The following ZNF277 variants were observed in gnomAD, a reference collection of about 807,000 sequenced individuals.
ZNF277 encodes zinc finger protein 277, also known as nuclear receptor-interacting factor 4.
Under a neutral mutation model 60.7 loss-of-function variants are expected in ZNF277, and 55 were observed. The ratio of observed to expected loss-of-function variants is 0.91; its 90% CI spans 0.73 to 1.13. The LOEUF (loss-of-function observed/expected upper bound fraction) is 1.13. Ranked by LOEUF, ZNF277 falls within the 50% of genes most tolerant of loss-of-function variation. The pLI is 0.00. For synonymous variants in ZNF277, 178 were observed against 179.3 expected, an observed-to-expected ratio of 0.99 and a Z score of 0.06; for missense variants, 510 against 523.0, an observed-to-expected ratio of 0.98 and a Z score of 0.24.
rs147753305 is a variant in ZNF277, at chr7:112,232,804, A to T, written c.91+25997A>T. 5.6e-3 allele frequency among the ~76,000 whole-genome samples: 852 copies of T among 152,294 alleles called. 12 individuals are homozygous for T. The highest frequency in any genetic ancestry group is 0.039 in the East Asian group (201 of 5,180). ...GTCAGTGGAGTACTTTGTACTCTTC[A>T]GAGTGATGGCCAGTAATTCCAAAAG... On this transcript the variant is annotated intron_variant, in intron 1 of 11. Transcript: ENST00000361822.
At chr7:112,276,221 T>A (rs746775240) in intron 1 of ZNF277, among the ~76,000 whole-genome samples, 1 of 152,242 alleles carries the variant, frequency 6.6e-6, no homozygotes, top group Non-Finnish European at 1.5e-5. Context: ...GGATGGATAG[T>A]ACCTTGGGAA....
chr7:112,326,905 A>T (rs1048647493), intron 5 of ZNF277, among the ~76,000 whole-genome samples: 2 of 152,178 alleles, frequency 1.3e-5, no homozygotes, highest in African/African-American at 4.8e-5. Flanking sequence ...TACTATACAC[A>T]TATGCTTTTT....
chr7:112,217,023 A>G (rs1821903155), intron 1 of ZNF277, among the ~76,000 whole-genome samples: 1 of 152,250 alleles, frequency 6.6e-6, no homozygotes, highest in Admixed American at 6.5e-5. Flanking sequence ...TCGTTCATTC[A>G]AAAATTTTAT....
In ZNF277 at chr7:112,267,707, A is replaced by T. The variant is rs2117033508; in HGVS notation, c.92-19166A>T. ...TTTCACTGTTAGGGGATATTGGCTG[A>T]CTAGGAAAATAGTAGAAGGTTTGAG... is the stretch of plus-strand genomic sequence containing the variant. On this transcript the variant is annotated intron_variant, in intron 1 of 11. Transcript: ENST00000361822. Among the ~76,000 whole-genome samples the T allele has an allele frequency of 1.3e-5, 2 of 152,196 alleles. 1 individual carries two copies. Among genetic ancestry groups the T allele is most frequent in the South Asian group, 4.1e-4 (2 of 4,820 alleles).
At chr7:112,218,867 T>C (rs1179536550) in intron 1 of ZNF277, among the ~76,000 whole-genome samples, 2 of 152,106 alleles carry the variant, frequency 1.3e-5, no homozygotes, top group African/African-American at 4.8e-5. Flanking sequence ...TGTTCATCCA[T>C]TGATGGACAC....
At chr7:112,216,296 GTTTTGTTTGT>G (rs888767750) in intron 1 of ZNF277, among the ~76,000 whole-genome samples, 6 of 151,902 alleles carry the variant, frequency 3.9e-5, no homozygotes, top group African/African-American at 1.2e-4. Flanking sequence ...GTTTTTTTTG[GTTTTGTTTGT>G]TTTTGTTTGT....
rs545418932 is a variant in ZNF277, at chr7:112,221,583, G to A, written c.91+14776G>A. On this transcript the variant is annotated intron_variant, in intron 1 of 11. Coordinates refer to ENST00000361822, the MANE Select transcript of ZNF277 (RefSeq NM_021994.3). ...TTACCATGATAAAGAATCAGTGGGA[G>A]CCCTGAGCTTGTTTTCCTGCAACTA... Among the ~76,000 whole-genome samples the A allele has an allele frequency of 5.3e-5, 8 of 152,248 alleles. No homozygotes were observed. The East Asian group carries it at 9.7e-4, about 18-fold the overall frequency.
chr7:112,252,421 C>T (rs189806633), intron 1 of ZNF277, among the ~76,000 whole-genome samples: 1 of 151,924 alleles, frequency 6.6e-6, no homozygotes, highest in African/African-American at 2.4e-5. Flanking sequence ...TTTCTGTGTG[C>T]GGTACAAGGG....
chr7:112,287,162 G>C, intron 2 of ZNF277, 88 bp downstream of exon 2: 1 of 1,402,968 alleles, frequency 7.1e-7, no homozygotes, highest in East Asian at 2.3e-5. Flanking sequence ...GGAGGCCAAA[G>C]TGGGAGGATC....
Position 112,330,089 on chromosome 7 carries a change from A to T in ZNF277, c.674A>T (p.Gln225Leu), listed in dbSNP as rs765197514. The T allele has an allele frequency of 2.9e-5, 46 of 1,610,562 alleles. No individual in the cohort carries two copies. The highest frequency in any genetic ancestry group is 3.6e-5 in the Non-Finnish European group (43 of 1,179,044). Residue 225 changes from glutamine (Q) to leucine (L), a missense_variant, in exon 7 of 12, where the codon CAG becomes CTG. Transcript: ENST00000361822. ...CTLQKKLDNL[Q>L]CLYCEKTFRD... Reference sequence around the variant, plus strand: ...TGTTTGTGTATTTCTTGTAGTTTGCAGTGCTTGTACTGTGAGAAGACCTTC... The same window carrying T: ...TGTTTGTGTATTTCTTGTAGTTTGCTGTGCTTGTACTGTGAGAAGACCTTC...
intron 11 of ZNF277, 99 bp downstream of exon 11, chr7:112,341,145 T>TA: frequency 4.4e-6 from 5 of 1,147,484 alleles, no homozygotes; most frequent in Non-Finnish European, 6.0e-6. Context: ...AAGGAATACA[T>TA]ATTTATTATA....
At chr7:112,331,167 C>G (rs1793222872) in intron 7 of ZNF277, among the ~76,000 whole-genome samples, 1 of 152,074 alleles carries the variant, frequency 6.6e-6, no homozygotes, top group Non-Finnish European at 1.5e-5. Flanking sequence ...CTCTCCTTTC[C>G]AAGAGGCATT....
At chr7:112,294,675 G>A (rs1792285796) in intron 2 of ZNF277, among the ~76,000 whole-genome samples, 1 of 151,972 alleles carries the variant, frequency 6.6e-6, no homozygotes, top group African/African-American at 2.4e-5. Context: ...ATTTTTATTT[G>A]ATGTCAGCTC....
chr7:112,274,774 G>T (rs541635605), intron 1 of ZNF277, among the ~76,000 whole-genome samples: 2 of 152,234 alleles, frequency 1.3e-5, no homozygotes, highest in African/African-American at 2.4e-5. Context: ...CATATCAAAT[G>T]AATTAAATTA....
intron 1 of ZNF277, among the ~76,000 whole-genome samples, chr7:112,243,538 A>G (rs1791008977): frequency 6.6e-6 from 1 of 151,818 alleles, no homozygotes; most frequent in Non-Finnish European, 1.5e-5. Context: ...GACATTTTTC[A>G]AAAGAAGACA....
intron 1 of ZNF277, among the ~76,000 whole-genome samples, chr7:112,245,708 C>T (rs1442816260): frequency 6.6e-6 from 1 of 152,094 alleles, no homozygotes; most frequent in Non-Finnish European, 1.5e-5. Context: ...ATGGTGTTCT[C>T]CTTTATGTGT....
chr7:112,279,465 T>C (rs1791892736), intron 1 of ZNF277, among the ~76,000 whole-genome samples: 1 of 152,224 alleles, frequency 6.6e-6, no homozygotes, highest in Admixed American at 6.5e-5. Flanking sequence ...CACCTTTTCA[T>C]ATACCTGTTG....
chr7:112,336,930 G>T (rs759120006), intron 8 of ZNF277, among the ~76,000 whole-genome samples: 1 of 152,162 alleles, frequency 6.6e-6, no homozygotes, highest in Non-Finnish European at 1.5e-5. Flanking sequence ...GGGACTGGTG[G>T]CTCCCTCCTG....
intron 1 of ZNF277, among the ~76,000 whole-genome samples, chr7:112,284,951 C>G (rs1423367484): frequency 6.6e-6 from 1 of 152,194 alleles, no homozygotes; most frequent in Non-Finnish European, 1.5e-5. Context: ...CATCATGCAA[C>G]ATCGAACATC....
Sources: gnomAD v4.1 joint callset for allele counts (sites outside exome capture counted in the v4.1 genomes callset) on GRCh38, gnomAD v4.1.1 for gene constraint, MANE v1.5 for transcripts, NCBI Gene and HGNC (gene_info 2026-07-23, HGNC 2026-07-21) for gene names.